CNTN5: variants seen among roughly 807,000 people sequenced by gnomAD.
CNTN5 encodes contactin 5, also known as contactin-5.
CNTN5 carries 77 observed loss-of-function variants against 129.1 expected under a neutral mutation model. The ratio of observed to expected loss-of-function variants is 0.60; its 90% CI spans 0.50 to 0.72. The LOEUF (loss-of-function observed/expected upper bound fraction) is 0.72, where lower values mean the gene tolerates loss of function less well. Among genes scored for constraint, CNTN5 ranks in the 30% least tolerant of loss-of-function variants. CNTN5 has a pLI of 0.00. For missense variants in CNTN5, 1,478 were observed against 1,328.8 expected, an observed-to-expected ratio of 1.11 and a Z score of -1.75; for synonymous variants, 509 against 465.6, an observed-to-expected ratio of 1.09 and a Z score of -1.20.
chr11:99,040,635 T>C (rs1474607516), intron 1 of CNTN5, among the ~76,000 whole-genome samples: 1 of 152,154 alleles, frequency 6.6e-6, no homozygotes, highest in African/African-American at 2.4e-5. Context: ...CTATTCAACT[T>C]AGGTTTATTT....
chr11:99,260,708 T>C (rs1206952930), intron 1 of CNTN5, among the ~76,000 whole-genome samples: 1 of 151,924 alleles, frequency 6.6e-6, no homozygotes, highest in Admixed American at 6.6e-5. Context: ...TATTATTGGA[T>C]GGTTATCAAG....
intron 1 of CNTN5, among the ~76,000 whole-genome samples, chr11:99,268,882 A>G (rs1479873995): frequency 6.6e-6 from 1 of 152,004 alleles, no homozygotes; most frequent in African/African-American, 2.4e-5. Context: ...GAATTTAAAG[A>G]GAAAGCCCTG....
intron 2 of CNTN5, among the ~76,000 whole-genome samples, chr11:99,341,751 G>C (rs560199792): frequency 6.6e-6 from 1 of 152,174 alleles, no homozygotes; most frequent in Non-Finnish European, 1.5e-5. Flanking sequence ...TTTTTTACTT[G>C]AAGGTCATTA....
intron 3 of CNTN5, among the ~76,000 whole-genome samples, chr11:99,791,742 A>G (rs1042000428): frequency 6.6e-6 from 1 of 152,064 alleles, no homozygotes; most frequent in Non-Finnish European, 1.5e-5. Flanking sequence ...TTATTCCTAT[A>G]AGAGTGGAAT....
intron 2 of CNTN5, among the ~76,000 whole-genome samples, chr11:99,459,156 G>A (rs756150060): frequency 3.0e-4 from 45 of 152,046 alleles, no homozygotes; most frequent in Non-Finnish European, 6.2e-4. Flanking sequence ...AGATCTTTTA[G>A]CAGGTGCTTG....
chr11:99,459,104 CA>C (rs1944597540), intron 2 of CNTN5, among the ~76,000 whole-genome samples: 2 of 151,732 alleles, frequency 1.3e-5, no homozygotes, highest in South Asian at 4.2e-4. Flanking sequence ...CTTCTTGGGG[CA>C]ATAAGGAAAA....
At chr11:99,556,554 A>AATAT (rs199758207) in intron 3 of CNTN5, among the ~76,000 whole-genome samples, 19,552 of 71,038 alleles carry the variant, frequency 0.28, 2,671 homozygotes, top group Middle Eastern at 0.35. Flanking sequence ...AAGGCTTGGA[A>AATAT]ATATATATAT....
At chr11:99,474,772 G>A (rs1467185243) in intron 2 of CNTN5, among the ~76,000 whole-genome samples, 1 of 151,954 alleles carries the variant, frequency 6.6e-6, no homozygotes, top group African/African-American at 2.4e-5. Flanking sequence ...TCTATTTTTA[G>A]GTTTCCACAT....
intron 7 of CNTN5, among the ~76,000 whole-genome samples, chr11:99,954,724 G>C (rs1950757214): frequency 6.6e-6 from 1 of 152,122 alleles, no homozygotes; most frequent in African/African-American, 2.4e-5. Context: ...AAGATGTTTA[G>C]CTCAGTCCAA....
At chr11:99,614,875 T>C (rs1950710790) in intron 3 of CNTN5, among the ~76,000 whole-genome samples, 1 of 152,038 alleles carries the variant, frequency 6.6e-6, no homozygotes, top group African/African-American at 2.4e-5. Context: ...TGTAAGCTTA[T>C]AATCCTTACG....
intron 8 of CNTN5, among the ~76,000 whole-genome samples, chr11:99,988,376 G>T (rs1243228945): frequency 6.6e-6 from 1 of 152,160 alleles, no homozygotes; most frequent in Non-Finnish European, 1.5e-5. Flanking sequence ...ATTCCTCCAG[G>T]ATATTTTAGG....
At chr11:100,283,616 A>G (rs143894901) in intron 18 of CNTN5, among the ~76,000 whole-genome samples, 44 of 152,178 alleles carry the variant, frequency 2.9e-4, no homozygotes, top group African/African-American at 1.1e-3. Flanking sequence ...CTGACCACTG[A>G]TATGGAAGAT....
In CNTN5 at chr11:100,297,646, A is replaced by G. The variant is rs1283577642; in HGVS notation, c.2336A>G (p.Asn779Ser). The G allele has an allele frequency of 1.2e-6, 2 of 1,606,566 alleles. No individual in the cohort carries two copies. Among genetic ancestry groups the G allele is most frequent in the Non-Finnish European group, 8.5e-7 (1 of 1,175,588 alleles). Residue 779 changes from asparagine (N) to serine (S), a missense_variant, in exon 19 of 25, where the codon AAT (asparagine) becomes AGT (serine). Asn to Ser is a conservative substitution (Grantham distance 46, BLOSUM62 1). Transcript: ENST00000524871. ...NEAVPKTAPT[N>S]VSGRSGRRHE... Reference sequence around the variant, plus strand: ...ACAGTTCCGAAGACAGCACCCACCAATGTAAGCGGAAGAAGTGGAAGAAGG... The same window carrying G: ...ACAGTTCCGAAGACAGCACCCACCAGTGTAAGCGGAAGAAGTGGAAGAAGG...
At chr11:99,417,232 A>G (rs1312865086) in intron 2 of CNTN5, among the ~76,000 whole-genome samples, 1 of 152,194 alleles carries the variant, frequency 6.6e-6, no homozygotes, top group African/African-American at 2.4e-5. Context: ...TATATTAGGT[A>G]GTCTTGGTCC....
intron 3 of CNTN5, among the ~76,000 whole-genome samples, chr11:99,725,442 A>T (rs114915328): frequency 0.029 from 4,383 of 151,802 alleles, 81 homozygotes; most frequent in South Asian, 0.044. Context: ...TTATTTTAAT[A>T]ATTTTTATAT....
intron 3 of CNTN5, among the ~76,000 whole-genome samples, chr11:99,625,065 C>T (rs924117054): frequency 2.0e-5 from 3 of 152,128 alleles, no homozygotes; most frequent in South Asian, 2.1e-4. Flanking sequence ...GGACACATGG[C>T]AGAAGAGTAA....
At chr11:99,400,053 A>G (rs1480665716) in intron 2 of CNTN5, among the ~76,000 whole-genome samples, 4 of 152,026 alleles carry the variant, frequency 2.6e-5, no homozygotes, top group Admixed American at 2.0e-4. Context: ...TACTTTTAAA[A>G]CATACAATTT....
intron 3 of CNTN5, among the ~76,000 whole-genome samples, chr11:99,576,693 C>T (rs1591303330): frequency 1.3e-5 from 2 of 152,134 alleles, no homozygotes; most frequent in Admixed American, 1.3e-4. Context: ...GTGGGAAGTC[C>T]AAAATCCAGT....
chr11:99,739,570 C>T (rs1006479249), intron 3 of CNTN5, among the ~76,000 whole-genome samples: 13 of 151,932 alleles, frequency 8.6e-5, no homozygotes, highest in African/African-American at 2.2e-4. Flanking sequence ...TCCATTTGAC[C>T]TGAACATGTA....
Sources: allele counts gnomAD v4.1 joint callset (sites outside exome capture counted in the v4.1 genomes callset), GRCh38; gene constraint gnomAD v4.1.1; transcripts MANE v1.5; gene names NCBI Gene and HGNC (gene_info 2026-07-23, HGNC 2026-07-21).